The following ADAMTSL3 variants were observed in gnomAD, a reference collection of about 807,000 sequenced individuals.
The protein encoded by ADAMTSL3 is ADAMTS-like protein 3.
Under a neutral mutation model 201.7 loss-of-function variants are expected in ADAMTSL3, and 128 were observed. The observed-to-expected ratio is 0.63, with a 90% CI of 0.55 to 0.73. The LOEUF (loss-of-function observed/expected upper bound fraction) is 0.73. ADAMTSL3 is among the 30% of genes least tolerant of loss of function. The probability of loss-of-function intolerance (pLI) is 0.00; values close to 1 mark genes in which losing one functional copy is unlikely to be tolerated. For missense variants in ADAMTSL3, 1,990 were observed against 2,119.6 expected (o/e 0.94, Z 1.20); for synonymous variants, 738 against 748.4 (o/e 0.99, Z 0.23).
chr15:83,821,472 T>C (rs1187693872), intron 6 of ADAMTSL3, among the ~76,000 whole-genome samples: 2 of 151,758 alleles, frequency 1.3e-5, no homozygotes, highest in Non-Finnish European at 2.9e-5. Flanking sequence ...TTCAAGCATC[T>C]GTTTAACAAA....
chr15:84,000,168 T>C (rs895654979), intron 23 of ADAMTSL3, among the ~76,000 whole-genome samples: 28 of 152,198 alleles, frequency 1.8e-4, no homozygotes, highest in African/African-American at 6.0e-4. Context: ...CTTGCTCTTG[T>C]TTTATGAACT....
At chr15:83,860,675 G>C (rs2064835863) in intron 8 of ADAMTSL3, among the ~76,000 whole-genome samples, 1 of 152,144 alleles carries the variant, frequency 6.6e-6, no homozygotes, top group South Asian at 2.1e-4. Context: ...AATAAGTAAA[G>C]GTGAGGGAGG....
At position 83,885,208 on chromosome 15, in the gene ADAMTSL3, A is replaced by G. The variant is rs768302809; in HGVS notation, c.1068A>G (p.Gly356=). The change falls in exon 10 of 30, where the codon GGA becomes GGG. Residue 356 remains glycine, a synonymous_variant. Transcript: ENST00000286744. The part of the protein sequence containing the change: ...TDFFPCTVTC[G]GGYQLNSAEC... Reference sequence around the variant, plus strand: ...TCTTTCCCTGCACTGTGACGTGTGGAGGAGGTGAGGCCCAGGCTTTGTTCA... The same window carrying G: ...TCTTTCCCTGCACTGTGACGTGTGGGGGAGGTGAGGCCCAGGCTTTGTTCA... The G allele has an allele frequency of 2.5e-6, 4 of 1,606,900 alleles. No individual in the cohort carries two copies. Among genetic ancestry groups the G allele is most frequent in the Non-Finnish European group, 3.4e-6 (4 of 1,173,608 alleles).
At chr15:83,816,275 TAGCTCC>T (rs2063769414) in intron 5 of ADAMTSL3, among the ~76,000 whole-genome samples, 1 of 152,208 alleles carries the variant, frequency 6.6e-6, no homozygotes, top group Non-Finnish European at 1.5e-5. Flanking sequence ...TTAGCTCTCT[TAGCTCC>T]AGCTCTTTTG....
rs1347296591 is a variant in ADAMTSL3 at position 83,655,788 on chromosome 15, G to A, written c.27G>A (p.Trp9Ter). 7 of 1,614,116 alleles carry A rather than the reference G, an allele frequency of 4.3e-6. No individual in the cohort carries two copies. The highest frequency in any genetic ancestry group is 2.2e-5 in the South Asian group (2 of 91,070). The stretch of plus-strand genomic sequence containing the variant: ...TGGCTTCCTGGACGAGCCCCTGGTG[G>A]GTGCTGATAGGGATGGTCTTCATGC... The part of the protein sequence containing the change: MASWTSPW[W>*]VLIGMVFMHS... Residue 9 changes from tryptophan (W) to a stop codon, truncating the protein, a stop_gained, in exon 2 of 30, where the codon TGG becomes TGA. Coordinates refer to ENST00000286744, the MANE Select transcript of ADAMTSL3 (RefSeq NM_207517.3). LOFTEE classifies it high-confidence loss of function.
At chr15:83,775,066 T>C (rs1281621154) in intron 4 of ADAMTSL3, among the ~76,000 whole-genome samples, 1 of 152,154 alleles carries the variant, frequency 6.6e-6, no homozygotes, top group Non-Finnish European at 1.5e-5. Context: ...AGGCTGGTCT[T>C]GAACTCCTGA....
chr15:83,810,570 A>G (rs1215807458), intron 5 of ADAMTSL3, among the ~76,000 whole-genome samples: 1 of 152,206 alleles, frequency 6.6e-6, no homozygotes, highest in Non-Finnish European at 1.5e-5. Flanking sequence ...CACAGGTCCT[A>G]CTGGGCTAAA....
intron 16 of ADAMTSL3, among the ~76,000 whole-genome samples, chr15:83,916,368 A>G (rs1456744912): frequency 6.6e-6 from 1 of 152,164 alleles, no homozygotes; most frequent in Non-Finnish European, 1.5e-5. Context: ...ACTAACCCAA[A>G]TTTTATAGTT....
At chr15:83,708,610 G>T (rs190275306) in intron 3 of ADAMTSL3, among the ~76,000 whole-genome samples, 160 of 152,294 alleles carry the variant, frequency 1.1e-3, no homozygotes, top group African/African-American at 3.6e-3. Flanking sequence ...CCACTAATCA[G>T]CTTATAATCT....
chr15:83,816,145 G>A (rs4262914), intron 5 of ADAMTSL3, among the ~76,000 whole-genome samples: 87,355 of 152,130 alleles, frequency 0.57, 26,146 homozygotes, highest in East Asian at 0.93. Flanking sequence ...ATAGTTTACT[G>A]TCTTTCCTCC....
chr15:83,661,357 G>C (rs2061160898), intron 2 of ADAMTSL3, among the ~76,000 whole-genome samples: 1 of 151,078 alleles, frequency 6.6e-6, no homozygotes, highest in Non-Finnish European at 1.5e-5. Flanking sequence ...CATTGAATCT[G>C]TAAATTACCT....
intron 4 of ADAMTSL3, among the ~76,000 whole-genome samples, chr15:83,789,466 G>A (rs144845557): frequency 3.9e-5 from 6 of 152,102 alleles, no homozygotes; most frequent in African/African-American, 1.4e-4. Flanking sequence ...TTTAAGGTTA[G>A]AGGTCTTTCT....
At chr15:83,802,128 CAA>C (rs1567154476) in intron 4 of ADAMTSL3, among the ~76,000 whole-genome samples, 1 of 152,010 alleles carries the variant, frequency 6.6e-6, no homozygotes, top group Non-Finnish European at 1.5e-5. Context: ...GTATGAAATG[CAA>C]AGATTTAATC....
At chr15:83,918,030 C>T (rs565803017) in intron 16 of ADAMTSL3, among the ~76,000 whole-genome samples, 2 of 152,094 alleles carry the variant, frequency 1.3e-5, no homozygotes, top group African/African-American at 4.8e-5. Context: ...TTGTTGAACA[C>T]CTTAATACTT....
At chr15:83,719,091 A>G (rs1657260876) in intron 3 of ADAMTSL3, among the ~76,000 whole-genome samples, 1 of 152,208 alleles carries the variant, frequency 6.6e-6, no homozygotes, top group Admixed American at 6.5e-5. Context: ...AACAGTGTAC[A>G]TCTCTTGATG....
intron 17 of ADAMTSL3, among the ~76,000 whole-genome samples, chr15:83,925,088 G>T (rs971532952): frequency 4.6e-5 from 7 of 152,164 alleles, no homozygotes; most frequent in African/African-American, 1.4e-4. Flanking sequence ...CATGCAATCT[G>T]TTGGCTATGA....
intron 23 of ADAMTSL3, among the ~76,000 whole-genome samples, chr15:83,992,621 C>T (rs1195890744): frequency 2.0e-5 from 3 of 152,190 alleles, no homozygotes; most frequent in African/African-American, 7.2e-5. Flanking sequence ...TTCAACATGA[C>T]TTCTAAATTT....
chr15:84,002,298 A>C (rs530269069), intron 23 of ADAMTSL3, among the ~76,000 whole-genome samples: 86 of 152,276 alleles, frequency 5.6e-4, no homozygotes, highest in South Asian at 5.4e-3. Flanking sequence ...ACATGTATTG[A>C]GTGTCGCCAT....
At chr15:83,864,808 A>G (rs1051219722) in intron 8 of ADAMTSL3, among the ~76,000 whole-genome samples, 2 of 152,208 alleles carry the variant, frequency 1.3e-5, no homozygotes, top group African/African-American at 4.8e-5. Flanking sequence ...CAATTAAGAA[A>G]AGAGGAAGTC....
Sources: gnomAD v4.1 joint callset for allele counts (sites outside exome capture counted in the v4.1 genomes callset) on GRCh38, gnomAD v4.1.1 for gene constraint, MANE v1.5 for transcripts, NCBI Gene and HGNC (gene_info 2026-07-23, HGNC 2026-07-21) for gene names.